The following URI1 variants were observed in gnomAD, a reference collection of about 807,000 sequenced individuals.
The protein encoded by URI1 is unconventional prefoldin RPB5 interactor 1.
Under a neutral mutation model 60.2 loss-of-function variants are expected in URI1, and 39 were observed. That is an observed-to-expected ratio of 0.65 (90% confidence interval 0.50 to 0.85). The LOEUF (loss-of-function observed/expected upper bound fraction) is 0.85, where lower values mean the gene tolerates loss of function less well. Among genes scored for constraint, URI1 ranks in the 40% least tolerant of loss-of-function variants. The pLI is 0.00. For synonymous variants in URI1, 251 were observed against 236.8 expected, an observed-to-expected ratio of 1.06 and a Z score of -0.55; for missense variants, 691 against 665.9, an observed-to-expected ratio of 1.04 and a Z score of -0.42.
rs902081979 is a variant in URI1, at chr19:29,942,423, C to A, written c.-125C>A. 118 of 983,406 alleles carry A rather than the reference C, an allele frequency of 1.2e-4. No individual in the cohort carries two copies. Among genetic ancestry groups the A allele is most frequent in the Non-Finnish European group, 1.4e-4 (117 of 829,418 alleles). The allele number at this position is 983,406 out of a possible 1,614,324, so 60.9% of individuals were successfully genotyped here. ...CAGCAGCGGCGGCGGCGGGCGCGGCCTCCTGGGCGCGGGGCGCGCGGTGCC... is the reference window on the plus strand; with the variant it reads ...CAGCAGCGGCGGCGGCGGGCGCGGCATCCTGGGCGCGGGGCGCGCGGTGCC... On this transcript the variant is annotated 5_prime_UTR_variant, in exon 1 of 11. Transcript: ENST00000392271.
chr19:29,942,591 C>A lies in URI1; in HGVS notation c.44C>A (p.Pro15His). The change falls in exon 1 of 11, where the codon CCT (proline) becomes CAT (histidine). Residue 15 changes from proline to histidine, a missense_variant. Pro to His is a moderately conservative substitution (Grantham distance 77). Coordinates refer to ENST00000392271, the MANE Select transcript of URI1 (RefSeq NM_003796.3). Reference sequence around the variant, plus strand: ...GAGACGCCCCCCGACCCCTCGCCCCCTTCGGCCCCGGCCCCTGCCCTGGTT... The same window carrying A: ...GAGACGCCCCCCGACCCCTCGCCCCATTCGGCCCCGGCCCCTGCCCTGGTT... ...TVETPPDPSP[P>H]SAPAPALVPL... The A allele has an allele frequency of 7.0e-7, 1 of 1,436,940 alleles. No homozygotes were observed. The highest frequency in any genetic ancestry group is 9.1e-7 in the Non-Finnish European group (1 of 1,099,330). The allele number at this position is 1,436,940 out of a possible 1,614,324, so 89.0% of individuals were successfully genotyped here.
At chr19:29,954,144 C>T (rs1042016078) in intron 1 of URI1, among the ~76,000 whole-genome samples, 4 of 152,160 alleles carry the variant, frequency 2.6e-5, no homozygotes, top group African/African-American at 9.7e-5. Context: ...TTTGCTCTAT[C>T]CTACAATATA....
intron 1 of URI1, among the ~76,000 whole-genome samples, chr19:29,948,743 T>G (rs2055133005): frequency 6.6e-6 from 1 of 152,238 alleles, no homozygotes; most frequent in African/African-American, 2.4e-5. Context: ...TCTACTTCTT[T>G]CCACACAGAC....
intron 1 of URI1, among the ~76,000 whole-genome samples, chr19:29,926,276 C>T (rs1270117389): frequency 7.0e-6 from 1 of 142,554 alleles, no homozygotes; most frequent in African/African-American, 2.7e-5. Flanking sequence ...TCCTTCCTTC[C>T]TTCCTTCCTA....
intron 1 of URI1, among the ~76,000 whole-genome samples, chr19:29,966,475 T>G: frequency 6.6e-6 from 1 of 152,126 alleles, no homozygotes; most frequent in Non-Finnish European, 1.5e-5. Context: ...TTTATTACAG[T>G]TTATCCCAGT....
At chr19:29,988,222 A>C (rs2055697649) in intron 4 of URI1, among the ~76,000 whole-genome samples, 1 of 151,914 alleles carries the variant, frequency 6.6e-6, no homozygotes, top group Admixed American at 6.6e-5. Flanking sequence ...TTTATAATTT[A>C]TACCTGAAGA....
chr19:29,964,510 G>T (rs76526884), intron 1 of URI1, among the ~76,000 whole-genome samples: 11,523 of 147,790 alleles, frequency 0.078, 653 homozygotes, highest in East Asian at 0.22. Flanking sequence ...CGTTGCCCAG[G>T]CTGGAGTGCA....
chr19:29,926,144 T>A (rs1296961574), intron 1 of URI1, among the ~76,000 whole-genome samples: 1 of 152,020 alleles, frequency 6.6e-6, no homozygotes, highest in African/African-American at 2.4e-5. Flanking sequence ...ACAGGTGGTG[T>A]TGGTTACATG....
At chr19:30,013,998 C>G (rs2056055179) in intron 10 of URI1, among the ~76,000 whole-genome samples, 1 of 147,538 alleles carries the variant, frequency 6.8e-6, no homozygotes, top group African/African-American at 2.5e-5. Flanking sequence ...CAGAGGAGAA[C>G]AAAATGTACA....
chr19:30,005,526 A>G, intron 5 of URI1, 74 bp downstream of exon 5: 1 of 1,491,656 alleles, frequency 6.7e-7, no homozygotes, highest in Non-Finnish European at 9.1e-7. Flanking sequence ...CTTACAGCCA[A>G]GGAACAAATT....
intron 1 of URI1, among the ~76,000 whole-genome samples, chr19:29,950,561 C>CT (rs926241075): frequency 4.6e-5 from 7 of 151,874 alleles, no homozygotes; most frequent in Non-Finnish European, 7.4e-5. Flanking sequence ...TTATATATTC[C>CT]TTTTTTTTCC....
At chr19:29,994,022 T>TG (rs1163385444) in intron 4 of URI1, among the ~76,000 whole-genome samples, 3 of 152,130 alleles carry the variant, frequency 2.0e-5, no homozygotes, top group African/African-American at 7.2e-5. Flanking sequence ...CCTTTTTTTT[T>TG]GCTGTTAAAA....
At chr19:29,963,874 C>T (rs2055356758) in intron 1 of URI1, among the ~76,000 whole-genome samples, 1 of 152,176 alleles carries the variant, frequency 6.6e-6, no homozygotes, top group African/African-American at 2.4e-5. Context: ...TTGCTCACTA[C>T]ACCATATTTC....
intron 4 of URI1, among the ~76,000 whole-genome samples, chr19:29,999,002 A>G (rs1171473984): frequency 1.3e-5 from 2 of 152,028 alleles, no homozygotes; most frequent in African/African-American, 4.8e-5. Flanking sequence ...TGGCGATTAC[A>G]TAGAACATCC....
chr19:30,014,767 T>A lies in URI1; in HGVS notation c.1426-120T>A, dbSNP rs2056064175. 3.1e-5 allele frequency: 30 copies of A among 973,564 alleles called. 1 individual carries two copies. The South Asian group carries it at 5.2e-4, about 17-fold the overall frequency. The allele number at this position is 973,564 out of a possible 1,614,324, so 60.3% of individuals were successfully genotyped here. ...TTAGTATTTTGGTGTAGTAGTGTTGTCTAGCCAAAAATCTCGTGAATTTAC... is the reference window on the plus strand; with the variant it reads ...TTAGTATTTTGGTGTAGTAGTGTTGACTAGCCAAAAATCTCGTGAATTTAC... On this transcript the variant is annotated intron_variant, in intron 10 of 10. Transcript: ENST00000392271.
chr19:29,997,683 C>T (rs1185629104), intron 4 of URI1, among the ~76,000 whole-genome samples: 2 of 151,928 alleles, frequency 1.3e-5, no homozygotes, highest in Admixed American at 6.6e-5. Context: ...GTATTTACAG[C>T]TATAAATATC....
intron 10 of URI1, 29 bp from the exon 11 acceptor site, chr19:30,014,858 A>C: frequency 8.3e-6 from 13 of 1,573,354 alleles, no homozygotes; most frequent in Non-Finnish European, 1.0e-5. Context: ...TTTGCATTTT[A>C]TTACCATAAC....
chr19:29,946,231 A>G (rs1171147456), intron 1 of URI1, among the ~76,000 whole-genome samples: 1 of 152,210 alleles, frequency 6.6e-6, no homozygotes, highest in Non-Finnish European at 1.5e-5. Context: ...ACTGTGACCT[A>G]TACCATAAAA....
intron 4 of URI1, among the ~76,000 whole-genome samples, chr19:29,999,876 G>T (rs1483373914): frequency 6.6e-6 from 1 of 151,876 alleles, no homozygotes; most frequent in Non-Finnish European, 1.5e-5. Flanking sequence ...TTGGCTCACA[G>T]TTCCCATTCC....
Sources: gnomAD v4.1 joint callset for allele counts (sites outside exome capture counted in the v4.1 genomes callset) on GRCh38, gnomAD v4.1.1 for gene constraint, MANE v1.5 for transcripts, NCBI Gene and HGNC (gene_info 2026-07-23, HGNC 2026-07-21) for gene names.